FCRL3: variants seen among roughly 807,000 people sequenced by gnomAD.
The protein encoded by FCRL3 is Fc receptor like 3, also known as Fc receptor-like protein 3.
A neutral mutation model predicts 75.0 loss-of-function variants in FCRL3; 89 were observed. That is an observed-to-expected ratio of 1.19 (90% CI 1.00 to 1.42). The LOEUF (loss-of-function observed/expected upper bound fraction) is 1.42, where lower values mean the gene tolerates loss of function less well. Among genes scored for constraint, FCRL3 ranks in the 40% most tolerant of loss-of-function variants. The pLI, the probability that FCRL3 is intolerant of heterozygous loss-of-function variation, is 0.00. For synonymous variants in FCRL3, 376 were observed against 348.5 expected (o/e 1.08, Z -0.88); for missense variants, 946 against 880.0 (o/e 1.07, Z -0.95).
intron 13 of FCRL3, among the ~76,000 whole-genome samples, chr1:157,679,827 TCA>T (rs749633236): frequency 2.0e-4 from 2 of 9,936 alleles, no homozygotes; most frequent in Non-Finnish European, 2.9e-4. Flanking sequence ...AGACCCCATC[TCA>T]CAAAAAAAAA....
Position 157,697,199 on chromosome 1 carries a change from A to C in FCRL3, c.785T>G (p.Val262Gly). ...TTTGATGCTGTGAGTCACTGTCTCC[A>C]CCTCACACCAGTAAGACCCTGAGTC... ...TEDSGSYWCE[V>G]ETVTHSIKKR... Residue 262 changes from valine to glycine, a missense_variant, in exon 6 of 15, where the codon GTG becomes GGG. By Grantham distance (109) the Val-to-Gly change is moderately radical. Coordinates refer to ENST00000368184, the MANE Select transcript of FCRL3 (RefSeq NM_052939.4). 6.4e-7 allele frequency: 1 copy of C among 1,562,564 alleles called. No homozygotes were observed. Among genetic ancestry groups the C allele is most frequent in the South Asian group, 1.2e-5 (1 of 83,318 alleles).
At chr1:157,698,006 T>G (rs774825096) in intron 4 of FCRL3, 87 bp from the exon 5 acceptor site, 38 of 1,456,232 alleles carry the variant, frequency 2.6e-5, no homozygotes, top group Non-Finnish European at 3.5e-5. Flanking sequence ...AGAGCCACAG[T>G]TCTATACACA....
In FCRL3 at chr1:157,700,583, G is replaced by C; in HGVS notation, c.-94C>G. ...GGGCAGGAAGCTGCTACTCAGATGA[G>C]ACCTGCAAGAATCAGAAAAGGGAAG... On this transcript the variant is annotated splice_region_variant and 5_prime_UTR_variant, in exon 2 of 15. Transcript: ENST00000368184. 6.2e-7 allele frequency: 1 copy of C among 1,603,878 alleles called. No individual in the cohort carries two copies. Among genetic ancestry groups the C allele is most frequent in the Non-Finnish European group, 8.5e-7 (1 of 1,175,380 alleles).
At chr1:157,685,370 A>G (rs762265054) in intron 10 of FCRL3, among the ~76,000 whole-genome samples, 5 of 152,236 alleles carry the variant, frequency 3.3e-5, no homozygotes, top group Non-Finnish European at 7.4e-5. Flanking sequence ...ATTGCTTCCA[A>G]CAAGAAAACT....
intron 3 of FCRL3, among the ~76,000 whole-genome samples, chr1:157,699,116 G>A (rs1329300049): frequency 6.6e-6 from 1 of 152,128 alleles, no homozygotes; most frequent in African/African-American, 2.4e-5. Flanking sequence ...GAAAGTCTAT[G>A]GGGAAGGCAA....
At position 157,676,950 on chromosome 1, in the gene FCRL3, A is replaced by G; in HGVS notation, c.*1760T>C. 2 of 1,406,370 alleles carry G rather than the reference A, an allele frequency of 1.4e-6. No individual in the cohort carries two copies. Among genetic ancestry groups the G allele is most frequent in the South Asian group, 1.5e-5 (1 of 65,092 alleles). 87.1% of individuals were successfully genotyped at this position (1,406,370 alleles called of 1,614,324 possible). A position where few individuals can be genotyped will look rare whatever the true frequency, so the allele number is the denominator to read the frequency against. On this transcript the variant is annotated 3_prime_UTR_variant, in exon 15 of 15. Coordinates refer to ENST00000368184, the MANE Select transcript of FCRL3 (RefSeq NM_052939.4). ...GGTTTACATATTTTCACCATAGAGA[A>G]AAAAACAGCAGAATGTATCACATAG... is the stretch of plus-strand genomic sequence containing the variant.
chr1:157,700,766 C>T lies in FCRL3; in HGVS notation c.-201G>A. 1.5e-6 allele frequency: 2 copies of T among 1,313,638 alleles called. No homozygotes were observed. The highest frequency in any genetic ancestry group is 2.0e-5 in the South Asian group (1 of 48,862). The allele number at this position is 1,313,638 out of a possible 1,614,324, so 81.4% of individuals were successfully genotyped here. On this transcript the variant is annotated 5_prime_UTR_variant, in exon 1 of 15. Coordinates refer to ENST00000368184, the MANE Select transcript of FCRL3 (RefSeq NM_052939.4). ...TCTCTCAGGAGTAATGTCTCCAAGA[C>T]TGTGCCTGGGTTCTCTAGAAATATC...
Position 157,695,508 on chromosome 1 carries a change from G to A in FCRL3, c.1232C>T (p.Pro411Leu). The A allele has an allele frequency of 6.2e-7, 1 of 1,614,168 alleles. No homozygotes were observed. The highest frequency in any genetic ancestry group is 8.5e-7 in the Non-Finnish European group (1 of 1,180,016). The change falls in exon 8 of 15, where the codon CCC (proline) becomes CTC (leucine). Residue 411 changes from proline to leucine, a missense_variant. By Grantham distance (98) the Pro-to-Leu change is moderately conservative (BLOSUM62 -3). Transcript: ENST00000368184. ...ELHCESLRGS[P>L]PILYRFYHED... The stretch of plus-strand genomic sequence containing the variant: ...ATGATAAAATCGGTACAGGATCGGG[G>A]GAGAGCCTCTCAGGGACTCACAGTG...
In FCRL3 at chr1:157,680,987, T is replaced by C; in HGVS notation, c.1951A>G (p.Ser651Gly). The stretch of plus-strand genomic sequence containing the variant: ...CCCCCTAGGGAGTCCTCACCATTGC[T>C]GTACATTGGCTCCAGCTCCATTGGG... ...LAPMELEPMY[S>G]NVNPGDSNPI... Residue 651 changes from serine to glycine, a missense_variant, in exon 12 of 15, where the codon AGC becomes GGC. Physicochemically the swap from Ser to Gly is moderately conservative, Grantham distance 56 (BLOSUM62 0). Transcript: ENST00000368184. 1.3e-5 allele frequency: 20 copies of C among 1,584,408 alleles called. No individual in the cohort carries two copies. Among genetic ancestry groups the C allele is most frequent in the Non-Finnish European group, 1.6e-5 (19 of 1,169,070 alleles).
chr1:157,690,369 C>T lies in FCRL3; in HGVS notation c.1576G>A (p.Gly526Arg). 1 of 1,614,216 alleles carries T rather than the reference C, an allele frequency of 6.2e-7. No homozygotes were observed. Among genetic ancestry groups the T allele is most frequent in the Non-Finnish European group, 8.5e-7 (1 of 1,180,044 alleles). Reference sequence around the variant, plus strand: ...AGAGAGAGGTTGAAGGATGCCCCTCCTCCAGAGTGGGCCGAGATGTTCCCC... The same window carrying T: ...AGAGAGAGGTTGAAGGATGCCCCTCTTCCAGAGTGGGCCGAGATGTTCCCC... ...TLGNISAHSG[G>R]GASFNLSLTT... Residue 526 changes from glycine to arginine, a missense_variant, in exon 9 of 15, where the codon GGA becomes AGA. Transcript: ENST00000368184.
At chr1:157,693,011 C>T (rs1655649246) in intron 8 of FCRL3, among the ~76,000 whole-genome samples, 1 of 152,106 alleles carries the variant, frequency 6.6e-6, no homozygotes, top group African/African-American at 2.4e-5. Flanking sequence ...CGTGGTGGCT[C>T]ATGCCTGTAA....
intron 9 of FCRL3, 21 bp downstream of exon 9, chr1:157,690,234 G>T (rs778068626): frequency 6.2e-7 from 1 of 1,611,778 alleles, no homozygotes; most frequent in African/African-American, 1.3e-5. Context: ...GTGACCTCTA[G>T]CCCAGGTACT....
At chr1:157,690,054 T>A in intron 9 of FCRL3, 137 bp from the exon 10 acceptor site, 1 of 1,371,824 alleles carries the variant, frequency 7.3e-7, no homozygotes, top group Non-Finnish European at 1.0e-6. Flanking sequence ...CTATGGCATA[T>A]GAAAGGTATT....
chr1:157,695,044 A>G (rs1252381566), intron 8 of FCRL3, among the ~76,000 whole-genome samples: 2 of 152,196 alleles, frequency 1.3e-5, no homozygotes, highest in African/African-American at 2.4e-5. Context: ...TTGCTGACCC[A>G]TCACGTGTTT....
intron 6 of FCRL3, chr1:157,696,821 C>T (rs1655939265): frequency 4.1e-6 from 1 of 243,986 alleles, no homozygotes; most frequent in Non-Finnish European, 7.9e-6. Flanking sequence ...AATGGAAGCA[C>T]CACAGGGGCC....
chr1:157,697,295 C>T lies in FCRL3; in HGVS notation c.689G>A (p.Arg230Lys). 1 of 1,612,656 alleles carries T rather than the reference C, an allele frequency of 6.2e-7. No homozygotes were observed. Among genetic ancestry groups the T allele is most frequent in the Non-Finnish European group, 8.5e-7 (1 of 1,179,146 alleles). ...GCCCAATCCGAGGGTCTGGCTATCT[C>T]TGAAGAGGGAGAATTGCAGCTGGAC... Reference protein sequence around the residue: ...PDVQLQFSLFRDSQTLGLGWS... With the variant: ...PDVQLQFSLFKDSQTLGLGWS... Residue 230 changes from arginine to lysine, a missense_variant, in exon 6 of 15, where the codon AGA becomes AAA. By Grantham distance (26) the Arg-to-Lys change is conservative (BLOSUM62 2). Transcript: ENST00000368184.
Position 157,678,939 on chromosome 1 carries a change from C to T in FCRL3, c.2058+3G>A. The T allele has an allele frequency of 6.2e-7, 1 of 1,614,118 alleles. No homozygotes were observed. Among genetic ancestry groups the T allele is most frequent in the East Asian group, 2.2e-5 (1 of 44,876 alleles). On this transcript the variant is annotated splice_donor_region_variant and intron_variant, in intron 14 of 14. Transcript: ENST00000368184. ...GGAAAGAAAGCCAAGAAATGTGACT[C>T]ACCTCATGCTCTTGATGCATCATTG...
At chr1:157,697,545 C>G (rs1557833940) in intron 5 of FCRL3, 114 bp downstream of exon 5, 2 of 1,455,844 alleles carry the variant, frequency 1.4e-6, no homozygotes, top group Non-Finnish European at 1.9e-6. Flanking sequence ...GAACCATCTC[C>G]CTCCCATGGC....
chr1:157,682,905 T>G (rs181335384), intron 11 of FCRL3, among the ~76,000 whole-genome samples: 1 of 152,234 alleles, frequency 6.6e-6, no homozygotes, highest in African/African-American at 2.4e-5. Flanking sequence ...AAGAAGGAAA[T>G]GAATGCACTG....
Sources: allele counts gnomAD v4.1 joint callset (sites outside exome capture counted in the v4.1 genomes callset), GRCh38; gene constraint gnomAD v4.1.1; transcripts MANE v1.5; gene names NCBI Gene and HGNC (gene_info 2026-07-23, HGNC 2026-07-21).